ZNF385D: variants seen among roughly 807,000 people sequenced by gnomAD.
ZNF385D encodes the protein zinc finger protein 385D.
ZNF385D carries 15 observed loss-of-function variants against 35.8 expected under a neutral mutation model. The observed-to-expected ratio is 0.42, with a 90% CI of 0.28 to 0.64. The LOEUF (loss-of-function observed/expected upper bound fraction) is 0.64, where lower values mean the gene tolerates loss of function less well. ZNF385D is among the 30% of genes least tolerant of loss of function. ZNF385D has a pLI of 0.23. For synonymous variants in ZNF385D, 212 were observed against 186.8 expected (o/e 1.13, Z -1.10); for missense variants, 474 against 494.6 (o/e 0.96, Z 0.39).
chr3:22,251,040 A>G (rs1177022020), intron 2 of ZNF385D, among the ~76,000 whole-genome samples: 1 of 152,118 alleles, frequency 6.6e-6, no homozygotes, highest in Non-Finnish European at 1.5e-5. Flanking sequence ...TCAGAAAAAT[A>G]AAAACATCAT....
intron 3 of ZNF385D, among the ~76,000 whole-genome samples, chr3:22,090,024 G>A (rs918092655): frequency 5.9e-5 from 9 of 151,980 alleles, no homozygotes; most frequent in African/African-American, 1.9e-4. Context: ...CATTTTAGTA[G>A]AGACAGGGTT....
intron 3 of ZNF385D, among the ~76,000 whole-genome samples, chr3:21,859,672 C>CA (rs905093475): frequency 2.2e-5 from 1 of 45,954 alleles, no homozygotes; most frequent in African/African-American, 6.6e-5. Flanking sequence ...ACTCCAAAGG[C>CA]ATTTTTTTTT....
intron 3 of ZNF385D, among the ~76,000 whole-genome samples, chr3:22,018,631 A>G (rs1273839053): frequency 1.3e-5 from 2 of 151,944 alleles, no homozygotes; most frequent in Non-Finnish European, 2.9e-5. Flanking sequence ...AGGGTTTGAG[A>G]GTATTTTATT....
At chr3:21,517,445 C>T (rs1177488337) in intron 3 of ZNF385D, among the ~76,000 whole-genome samples, 1 of 152,196 alleles carries the variant, frequency 6.6e-6, no homozygotes, top group Non-Finnish European at 1.5e-5. Context: ...AACCCATGGC[C>T]AGCAATGTGT....
At chr3:22,302,708 A>G (rs1702969926) in intron 2 of ZNF385D, among the ~76,000 whole-genome samples, 1 of 152,014 alleles carries the variant, frequency 6.6e-6, no homozygotes, top group South Asian at 2.1e-4. Context: ...CATTTTAGAT[A>G]TTGTATTCTT....
At chr3:21,873,681 C>T (rs527560162) in intron 3 of ZNF385D, among the ~76,000 whole-genome samples, 2 of 152,208 alleles carry the variant, frequency 1.3e-5, no homozygotes, top group African/African-American at 2.4e-5. Context: ...TTACTTTCTA[C>T]TTTGATGAGT....
intron 4 of ZNF385D, among the ~76,000 whole-genome samples, chr3:21,492,719 T>A (rs1336310519): frequency 6.6e-6 from 1 of 151,484 alleles, no homozygotes; most frequent in African/African-American, 2.4e-5. Flanking sequence ...GGGAGGTAGA[T>A]GTTACAGTGA....
chr3:22,193,537 G>A (rs1315611529), intron 2 of ZNF385D, among the ~76,000 whole-genome samples: 3 of 152,048 alleles, frequency 2.0e-5, no homozygotes, highest in African/African-American at 4.8e-5. Context: ...ATTATTTCCT[G>A]TAGAATCTTT....
rs77844716 is a variant in ZNF385D, at chr3:22,274,315, A to G, written c.106+98135T>C. Among the ~76,000 whole-genome samples the G allele has an allele frequency of 4.4e-3, 673 of 152,114 alleles. 7 individuals are homozygous for G. Among genetic ancestry groups the G allele is most frequent in the African/African-American group, 0.015 (640 of 41,566 alleles). On this transcript the variant is annotated intron_variant, in intron 2 of 5. Coordinates refer to the ZNF385D transcript ENST00000494108. ...CTGAATGAACCTTATAGAAAAAGAT[A>G]TAATTTTTCAGTATAATATAACCAT...
intron 1 of ZNF385D, among the ~76,000 whole-genome samples, chr3:21,681,102 G>A (rs2066884753): frequency 6.6e-6 from 1 of 151,984 alleles, no homozygotes; most frequent in African/African-American, 2.4e-5. Flanking sequence ...TCCAATTACA[G>A]ATCTGAGTGT....
chr3:21,912,543 G>A (rs1700010638), intron 3 of ZNF385D, among the ~76,000 whole-genome samples: 2 of 152,096 alleles, frequency 1.3e-5, no homozygotes, highest in African/African-American at 4.8e-5. Context: ...ACCAGGCATT[G>A]TGTGCCATTC....
intron 4 of ZNF385D, 87 bp downstream of exon 4, chr3:21,510,774 C>T (rs1212439981): frequency 2.0e-6 from 3 of 1,525,082 alleles, no homozygotes; most frequent in Non-Finnish European, 2.7e-6. Context: ...ATGGCAGGCA[C>T]ATAAGTAAAC....
chr3:22,092,475 T>C (rs1701384010), intron 3 of ZNF385D, among the ~76,000 whole-genome samples: 1 of 152,142 alleles, frequency 6.6e-6, no homozygotes, highest in Admixed American at 6.5e-5. Context: ...CACCTATCTG[T>C]GGATGGCTTC....
At chr3:21,729,548 G>A (rs527434165) in intron 1 of ZNF385D, among the ~76,000 whole-genome samples, 1 of 152,084 alleles carries the variant, frequency 6.6e-6, no homozygotes, top group African/African-American at 2.4e-5. Context: ...CTCCCCACAA[G>A]GTACTTTAAA....
chr3:22,111,152 A>ATTTTTTTTTTTTGT (rs1702498824), intron 3 of ZNF385D, among the ~76,000 whole-genome samples: 1 of 68,974 alleles, frequency 1.4e-5, no homozygotes, highest in African/African-American at 5.1e-5. Flanking sequence ...TCCATGTTGG[A>ATTTTTTTTTTTTGT]TTTTTTTTTT....
chr3:21,483,575 T>C (rs571970336), intron 4 of ZNF385D, among the ~76,000 whole-genome samples: 7 of 152,320 alleles, frequency 4.6e-5, no homozygotes, highest in Non-Finnish European at 7.4e-5. Flanking sequence ...TTATCAGAAC[T>C]TAGCATTGAT....
At chr3:21,455,676 G>C (rs1269384479) in intron 4 of ZNF385D, among the ~76,000 whole-genome samples, 1 of 152,036 alleles carries the variant, frequency 6.6e-6, no homozygotes, top group Non-Finnish European at 1.5e-5. Context: ...ATAGGCATGG[G>C]GGGCAAGGAC....
At chr3:21,665,369 C>T (rs1388051669) in intron 1 of ZNF385D, among the ~76,000 whole-genome samples, 1 of 152,110 alleles carries the variant, frequency 6.6e-6, no homozygotes, top group Non-Finnish European at 1.5e-5. Context: ...GGGAAAACCC[C>T]TCCATCATGC....
intron 2 of ZNF385D, among the ~76,000 whole-genome samples, chr3:22,247,990 T>C (rs1211950863): frequency 6.6e-6 from 1 of 152,258 alleles, no homozygotes; most frequent in Non-Finnish European, 1.5e-5. Context: ...CTGTGAACTT[T>C]ATATAAATAA....
Sources: gnomAD v4.1 joint callset for allele counts (sites outside exome capture counted in the v4.1 genomes callset) on GRCh38, gnomAD v4.1.1 for gene constraint, MANE v1.5 for transcripts, NCBI Gene and HGNC (gene_info 2026-07-23, HGNC 2026-07-21) for gene names.